Variants in PCDHA1 observed in about 807,000 individuals in gnomAD.
PCDHA1 encodes protocadherin alpha-1.
A neutral mutation model predicts 61.3 loss-of-function variants in PCDHA1; 42 were observed. The observed-to-expected ratio is 0.69, with a 90% confidence interval of 0.54 to 0.89. The LOEUF (loss-of-function observed/expected upper bound fraction) is 0.89. Ranked by LOEUF, PCDHA1 falls within the 40% of genes least tolerant of loss-of-function variation. The probability of loss-of-function intolerance (pLI) is 0.00; values close to 1 mark genes in which losing one functional copy is unlikely to be tolerated. For synonymous variants in PCDHA1, 610 were observed against 553.8 expected (o/e 1.10, Z -1.43); for missense variants, 1,256 against 1,235.3 (o/e 1.02, Z -0.25).
rs375292703 is a variant in PCDHA1, at chr5:140,787,253, G to C, written c.963G>C (p.Lys321Asn). The C allele has an allele frequency of 1.9e-6, 3 of 1,614,086 alleles. No homozygotes were observed. Among genetic ancestry groups the C allele is most frequent in the African/African-American group, 2.7e-5 (2 of 74,948 alleles). ...CAAAATCCTACGAAATTCAAGTAAA[G>C]GCAGTTGATAAAGGAAGTCCTCCGA... ...EETKSYEIQV[K>N]AVDKGSPPMS... The change falls in exon 1 of 4, where the codon AAG becomes AAC. Residue 321 changes from lysine to asparagine, a missense_variant. Lys to Asn is a moderately conservative substitution (Grantham distance 94). Coordinates refer to ENST00000504120, the MANE Select transcript of PCDHA1 (RefSeq NM_018900.4).
chr5:140,799,587 T>C (rs782490582), intron 1 of PCDHA1, among the ~76,000 whole-genome samples: 4 of 152,084 alleles, frequency 2.6e-5, no homozygotes, highest in Non-Finnish European at 4.4e-5. Context: ...TTAACAAATA[T>C]CATTAACTTA....
intron 1 of PCDHA1, chr5:140,929,046 C>CT (rs1229193922): frequency 6.2e-7 from 1 of 1,614,206 alleles, no homozygotes; most frequent in Non-Finnish European, 8.5e-7. Flanking sequence ...CTCAGAGCTG[C>CT]TGTCGCTCTA....
rs2150111522 is a variant in PCDHA1 at position 140,821,876 on chromosome 5, T to A, written c.2394+33192T>A. 2.5e-6 allele frequency: 4 copies of A among 1,614,184 alleles called. No homozygotes were observed. In the African/African-American group the frequency reaches 5.3e-5, roughly 22 times the overall value. Reference sequence around the variant, plus strand: ...GGGAGCGGCCAGCTCCACTACTCGATCCCGGAGGAAGCCAAACACGGAACC... The same window carrying A: ...GGGAGCGGCCAGCTCCACTACTCGAACCCGGAGGAAGCCAAACACGGAACC... On this transcript the variant is annotated intron_variant, in intron 1 of 3. Transcript: ENST00000504120.
chr5:140,996,737 T>G (rs887382236), intron 3 of PCDHA1, among the ~76,000 whole-genome samples: 3 of 152,166 alleles, frequency 2.0e-5, no homozygotes, highest in Non-Finnish European at 2.9e-5. Context: ...ACAAAAGTCA[T>G]AACAAATTAT....
chr5:140,801,319 A>G, intron 1 of PCDHA1: 2 of 1,613,348 alleles, frequency 1.2e-6, no homozygotes, highest in Non-Finnish European at 1.7e-6. Context: ...GAGGCCAAGC[A>G]TGGCACCTTC....
At chr5:140,882,732 A>C in intron 1 of PCDHA1, 1 of 1,614,228 alleles carries the variant, frequency 6.2e-7, no homozygotes, top group Non-Finnish European at 8.5e-7. Context: ...TTTCCACTAG[A>C]TGGCGCATCC....
chr5:140,816,150 C>T (rs2126669751), intron 1 of PCDHA1: 12 of 152,162 alleles, frequency 7.9e-5, no homozygotes, highest in African/African-American at 2.9e-4. Flanking sequence ...GAGCAGCCTG[C>T]TCGAGGATGT....
Position 140,982,278 on chromosome 5 carries a change from A to G in PCDHA1, c.2454-197A>G, listed in dbSNP as rs997424016. On this transcript the variant is annotated intron_variant, in intron 2 of 3. Transcript: ENST00000504120. ...ATGTGTGTTCCTGGAATAGTATAGC[A>G]GGCAATAAGTAAGTCAGCAATGCTT... 8.2e-6 allele frequency: 8 copies of G among 980,114 alleles called. No homozygotes were observed. In the South Asian group the frequency reaches 1.1e-4, roughly 14 times the overall value. The allele number at this position is 980,114 out of a possible 1,614,324, so 60.7% of individuals were successfully genotyped here.
chr5:140,824,042 G>C (rs2150067229), intron 1 of PCDHA1: 1 of 1,614,148 alleles, frequency 6.2e-7, no homozygotes, highest in Non-Finnish European at 8.5e-7. Flanking sequence ...AGGAGACAGA[G>C]GGTGTGCTCT....
chr5:140,849,154 C>G, intron 1 of PCDHA1: 1 of 1,231,386 alleles, frequency 8.1e-7, no homozygotes, highest in Non-Finnish European at 1.1e-6. Context: ...GGAGGCAAAC[C>G]CGAGCTGACT....
At chr5:140,910,095 C>T (rs1011405673) in intron 1 of PCDHA1, among the ~76,000 whole-genome samples, 1 of 152,188 alleles carries the variant, frequency 6.6e-6, no homozygotes, top group Non-Finnish European at 1.5e-5. Flanking sequence ...GAACCAGCCT[C>T]CCCTTCATTT....
rs181739801 is a variant in PCDHA1 at position 140,794,229 on chromosome 5, C to A, written c.2394+5545C>A. On this transcript the variant is annotated intron_variant, in intron 1 of 3. Transcript: ENST00000504120. ...GTCACATGTTACAATATGGATGAAC[C>A]TTGAGGAACCATCCACGGATGCTTG... is the stretch of plus-strand genomic sequence containing the variant. 3.0e-4 allele frequency among the ~76,000 whole-genome samples: 45 copies of A among 152,246 alleles called. 1 individual carries two copies. In the East Asian group the frequency reaches 5.4e-3, roughly 18 times the overall value.
At chr5:140,965,037 C>T (rs1260839947) in intron 1 of PCDHA1, among the ~76,000 whole-genome samples, 1 of 152,142 alleles carries the variant, frequency 6.6e-6, no homozygotes, top group African/African-American at 2.4e-5. Context: ...TAACTGTCCG[C>T]TCTAGGAGGG....
At chr5:140,789,624 T>A (rs1338168320) in intron 1 of PCDHA1, among the ~76,000 whole-genome samples, 1 of 152,196 alleles carries the variant, frequency 6.6e-6, no homozygotes, top group Non-Finnish European at 1.5e-5. Flanking sequence ...AGGCTTAGCA[T>A]TGCATGTATT....
chr5:140,786,578 C>CGGG lies in PCDHA1; in HGVS notation c.288_289insGGG (p.Cys96_Gln97insGly), dbSNP rs1761317256. 1 of 1,614,094 alleles carries CGGG rather than the reference C, an allele frequency of 6.2e-7. No individual in the cohort carries two copies. The highest frequency in any genetic ancestry group is 1.3e-5 in the African/African-American group (1 of 74,942). ...CTCGGATCGATCGCGAGGAGCTGTG[C>CGGG]CAGTGGAGCGCGGAGTGCAGCATCC... On this transcript the variant is annotated inframe_insertion, in exon 1 of 4. Transcript: ENST00000504120.
At chr5:140,848,866 A>G (rs200652127) in intron 1 of PCDHA1, 6 of 1,590,776 alleles carry the variant, frequency 3.8e-6, no homozygotes, top group Admixed American at 1.7e-5. Flanking sequence ...GTGGAGGTGA[A>G]GGACATTAAC....
intron 1 of PCDHA1, among the ~76,000 whole-genome samples, chr5:140,905,949 A>T (rs897929607): frequency 2.0e-5 from 3 of 152,242 alleles, no homozygotes; most frequent in African/African-American, 7.2e-5. Context: ...TTGGAATCCG[A>T]TGTTCAAGGG....
At chr5:140,924,312 T>G (rs752006188) in intron 1 of PCDHA1, among the ~76,000 whole-genome samples, 84 of 152,338 alleles carry the variant, frequency 5.5e-4, no homozygotes, top group Non-Finnish European at 7.9e-4. Context: ...TCCTTTAATT[T>G]TATCTGAGAC....
At chr5:140,976,666 A>G (rs1260651584) in intron 1 of PCDHA1, among the ~76,000 whole-genome samples, 4 of 152,188 alleles carry the variant, frequency 2.6e-5, no homozygotes, top group African/African-American at 9.6e-5. Flanking sequence ...CAAAGTTCAG[A>G]TGTCTCATTT....
Sources: allele counts gnomAD v4.1 joint callset (sites outside exome capture counted in the v4.1 genomes callset), GRCh38; gene constraint gnomAD v4.1.1; transcripts MANE v1.5; gene names NCBI Gene and HGNC (gene_info 2026-07-23, HGNC 2026-07-21).